The following ACBD7 variants were observed in gnomAD, a reference collection of about 807,000 sequenced individuals.
ACBD7 encodes acyl-CoA binding domain containing 7.
ACBD7 carries 11 observed loss-of-function variants against 13.7 expected under a neutral mutation model. The ratio of observed to expected loss-of-function variants is 0.80; its 90% CI spans 0.50 to 1.33. ACBD7 has a LOEUF of 1.33. ACBD7 is among the 40% of genes most tolerant of loss of function. The pLI, the probability that ACBD7 is intolerant of heterozygous loss-of-function variation, is 0.00. For missense variants in ACBD7, 111 were observed against 103.0 expected (o/e 1.08, Z -0.33); for synonymous variants, 43 against 37.7 (o/e 1.14, Z -0.51).
intron 1 of ACBD7, among the ~76,000 whole-genome samples, chr10:15,086,321 T>G (rs961691687): frequency 3.3e-5 from 5 of 150,802 alleles, no homozygotes; most frequent in African/African-American, 1.2e-4. Context: ...AAAAAAAAAG[T>G]TACCTTCCCC....
Position 15,075,700 on chromosome 10 carries a change from G to A in ACBD7, c.*2830C>T, listed in dbSNP as rs908805063. Among the ~76,000 whole-genome samples the A allele has an allele frequency of 5.9e-5, 9 of 152,072 alleles. No homozygotes were observed. Among genetic ancestry groups the A allele is most frequent in the African/African-American group, 1.2e-4 (5 of 41,426 alleles). ...TCCCTTTCAAGAATCCTGGCTGGAC[G>A]CGGTGGCTCATGCCTATAGTCTCAG... On this transcript the variant is annotated 3_prime_UTR_variant, in exon 4 of 4. Coordinates refer to ENST00000356189, the MANE Select transcript of ACBD7 (RefSeq NM_001039844.3).
chr10:15,085,277 G>C (rs530551861), intron 1 of ACBD7, among the ~76,000 whole-genome samples: 1 of 152,334 alleles, frequency 6.6e-6, no homozygotes, highest in East Asian at 1.9e-4. Flanking sequence ...CTTTGGCGTA[G>C]AAGTTACGCC....
chr10:15,076,362 C>T lies in ACBD7; in HGVS notation c.*2168G>A, dbSNP rs1229577216. 2 of 985,050 alleles carry T rather than the reference C, an allele frequency of 2.0e-6. No individual in the cohort carries two copies. Among genetic ancestry groups the T allele is most frequent in the African/African-American group, 1.7e-5 (1 of 57,162 alleles). 61.0% of individuals were successfully genotyped at this position (985,050 alleles called of 1,614,324 possible). On this transcript the variant is annotated 3_prime_UTR_variant, in exon 4 of 4. Coordinates refer to ENST00000356189, the MANE Select transcript of ACBD7 (RefSeq NM_001039844.3). The stretch of plus-strand genomic sequence containing the variant: ...CAGATAGAACTGAACATATGGGGTA[C>T]AGTAGTGGTACAGTTTATCACTAGA...
At chr10:15,079,103 A>C in intron 1 of ACBD7, 63 bp from the exon 2 acceptor site, 1 of 1,034,810 alleles carries the variant, frequency 9.7e-7, no homozygotes, top group South Asian at 1.6e-5. Context: ...AGGAACTCAA[A>C]GAGCAGGAAG....
At chr10:15,087,937 G>C (rs562964225) in intron 1 of ACBD7, among the ~76,000 whole-genome samples, 1 of 152,234 alleles carries the variant, frequency 6.6e-6, no homozygotes, top group East Asian at 1.9e-4. Context: ...GCAGTGAGCA[G>C]AGGTTGCAGT....
intron 1 of ACBD7, among the ~76,000 whole-genome samples, chr10:15,083,144 C>T (rs979815696): frequency 6.6e-6 from 1 of 152,238 alleles, no homozygotes; most frequent in East Asian, 1.9e-4. Context: ...CAGGGGTCCC[C>T]GCTCTTTCTC....
At chr10:15,080,041 C>T (rs1256799795) in intron 1 of ACBD7, among the ~76,000 whole-genome samples, 1 of 152,146 alleles carries the variant, frequency 6.6e-6, no homozygotes, top group African/African-American at 2.4e-5. Flanking sequence ...CCAGTGCCCT[C>T]ATGCCTACAT....
At chr10:15,086,182 C>T (rs925387085) in intron 1 of ACBD7, among the ~76,000 whole-genome samples, 3 of 151,962 alleles carry the variant, frequency 2.0e-5, no homozygotes, top group African/African-American at 7.3e-5. Context: ...GTGGCAGGCA[C>T]CTGTAATTCC....
intron 1 of ACBD7, among the ~76,000 whole-genome samples, chr10:15,079,604 A>G (rs1844726346): frequency 7.1e-6 from 1 of 141,114 alleles, no homozygotes; most frequent in African/African-American, 2.7e-5. Flanking sequence ...TTTGAGACTG[A>G]GTCTCACTCT....
rs187440481 is a variant in ACBD7 at position 15,077,011 on chromosome 10, A to G, written c.*1519T>C. The G allele has an allele frequency of 2.6e-4, 218 of 849,140 alleles. 2 individuals are homozygous for G. The African/African-American group carries it at 3.6e-3, about 14-fold the overall frequency. 52.6% of individuals were successfully genotyped at this position (849,140 alleles called of 1,614,324 possible). A position where few individuals can be genotyped will look rare whatever the true frequency, so the allele number is the denominator to read the frequency against. ...GGGAATGTAAATTAGTACAACCTCT[A>G]TGAAAAACAGCACGGAAATTTCTCA... On this transcript the variant is annotated 3_prime_UTR_variant, in exon 4 of 4. Transcript: ENST00000356189.
At chr10:15,088,377 G>A (rs1231583079) in intron 1 of ACBD7, 2 of 461,260 alleles carry the variant, frequency 4.3e-6, no homozygotes, top group Non-Finnish European at 7.7e-6. Flanking sequence ...GAGAGGTCCT[G>A]GAGGTCCCAA....
In ACBD7 at chr10:15,078,927, A is replaced by G. The variant is rs140311786; in HGVS notation, c.126T>C (p.Asn42=). Residue 42 remains asparagine, a synonymous_variant, in exon 2 of 4, where the codon AAT becomes AAC. Transcript: ENST00000356189. The part of the protein sequence containing the change: ...LYKQAIVGDI[N]IACPGMLDLK... ...AATATTAATAATATATAATACCAAT[A>G]TTAATGTCTCCAACTATTGCTTGTT... The G allele has an allele frequency of 1.7e-5, 26 of 1,518,828 alleles. No homozygotes were observed. In the African/African-American group the frequency reaches 3.6e-4, roughly 21 times the overall value. 94.1% of individuals were successfully genotyped at this position (1,518,828 alleles called of 1,614,324 possible).
intron 1 of ACBD7, among the ~76,000 whole-genome samples, chr10:15,084,385 A>G (rs779204093): frequency 4.6e-5 from 7 of 152,328 alleles, no homozygotes; most frequent in Middle Eastern, 3.4e-3. Context: ...CTTTAAATAT[A>G]GAGCCATGGA....
intron 1 of ACBD7, among the ~76,000 whole-genome samples, chr10:15,084,259 G>A (rs766617891): frequency 6.6e-6 from 1 of 152,158 alleles, no homozygotes; most frequent in South Asian, 2.1e-4. Context: ...GGGGCCTCAC[G>A]GACTGCTGGT....
intron 1 of ACBD7, among the ~76,000 whole-genome samples, chr10:15,080,605 T>C (rs146156663): frequency 1.8e-4 from 28 of 152,128 alleles, no homozygotes; most frequent in African/African-American, 6.7e-4. Flanking sequence ...AAACCAAATG[T>C]ACTTAAGTAG....
intron 1 of ACBD7, among the ~76,000 whole-genome samples, chr10:15,080,102 T>C (rs1844733351): frequency 1.3e-5 from 2 of 152,154 alleles, no homozygotes; most frequent in African/African-American, 4.8e-5. Flanking sequence ...GGGTAATCAC[T>C]ATTCCTGATT....
rs34941547 is a variant in ACBD7 at position 15,076,503 on chromosome 10, ATTTT to A, written c.*2023_*2026del. 1.8e-4 allele frequency: 153 copies of A among 850,960 alleles called. No homozygotes were observed. Among genetic ancestry groups the A allele is most frequent in the East Asian group, 3.9e-4 (3 of 7,778 alleles). The allele number at this position is 850,960 out of a possible 1,614,324, so 52.7% of individuals were successfully genotyped here. A position where few individuals can be genotyped will look rare whatever the true frequency, so the allele number is the denominator to read the frequency against. On this transcript the variant is annotated 3_prime_UTR_variant, in exon 4 of 4. Coordinates refer to ENST00000356189, the MANE Select transcript of ACBD7 (RefSeq NM_001039844.3). ...TTAAACTGCTATGGACAGACTTGTA[ATTTT>A]TTTTTTTTTTTTTGAGACGGAGTCT...
At chr10:15,084,563 G>T (rs1299998487) in intron 1 of ACBD7, among the ~76,000 whole-genome samples, 1 of 152,198 alleles carries the variant, frequency 6.6e-6, no homozygotes, top group Non-Finnish European at 1.5e-5. Flanking sequence ...AGCAGGCCGA[G>T]CACAGGGACT....
In ACBD7 at chr10:15,083,005, C is replaced by T. The variant is rs549213930; in HGVS notation, c.13-3965G>A. 1.5e-4 allele frequency among the ~76,000 whole-genome samples: 23 copies of T among 152,092 alleles called. No homozygotes were observed. The South Asian group carries it at 4.6e-3, about 30-fold the overall frequency. ...TGAGCCAAGATCCTGCCACTGCACT[C>T]CAGCCTGGGTGACAGAGCAAGACTC... is the stretch of plus-strand genomic sequence containing the variant. On this transcript the variant is annotated intron_variant, in intron 1 of 3. Transcript: ENST00000356189.
Sources: allele counts gnomAD v4.1 joint callset (sites outside exome capture counted in the v4.1 genomes callset), GRCh38; gene constraint gnomAD v4.1.1; transcripts MANE v1.5; gene names NCBI Gene and HGNC (gene_info 2026-07-23, HGNC 2026-07-21).